VRK2: variants seen among roughly 807,000 people sequenced by gnomAD.
VRK2 encodes serine/threonine-protein kinase VRK2.
In VRK2, 60 loss-of-function variants were observed where a neutral mutation model predicts 57.6. The observed-to-expected ratio is 1.04, with a 90% confidence interval of 0.85 to 1.29. VRK2 has a LOEUF of 1.29. Ranked by LOEUF, VRK2 falls within the 50% of genes most tolerant of loss-of-function variation. The probability of loss-of-function intolerance (pLI) is 0.00; values close to 1 mark genes in which losing one functional copy is unlikely to be tolerated. For missense variants in VRK2, 705 were observed against 588.1 expected (o/e 1.20, Z -2.06); for synonymous variants, 231 against 199.2 (o/e 1.16, Z -1.35).
At chr2:58,095,374 A>C (rs781172074) in intron 7 of VRK2, among the ~76,000 whole-genome samples, 2 of 151,898 alleles carry the variant, frequency 1.3e-5, no homozygotes, top group Non-Finnish European at 2.9e-5. Flanking sequence ...GGGAGACCTC[A>C]CATCTGTATG....
Sources: gnomAD v4.1 joint callset for allele counts (sites outside exome capture counted in the v4.1 genomes callset) on GRCh38, gnomAD v4.1.1 for gene constraint, MANE v1.5 for transcripts, NCBI Gene and HGNC (gene_info 2026-07-23, HGNC 2026-07-21) for gene names.